MCTP1: variants seen among roughly 807,000 people sequenced by gnomAD.
MCTP1 encodes multiple C2 and transmembrane domain containing 1.
Under a neutral mutation model 120.6 loss-of-function variants are expected in MCTP1, and 69 were observed. The observed-to-expected ratio is 0.57, with a 90% CI of 0.47 to 0.70. The LOEUF (loss-of-function observed/expected upper bound fraction) is 0.70, where lower values mean the gene tolerates loss of function less well. Ranked by LOEUF, MCTP1 falls within the 30% of genes least tolerant of loss-of-function variation. The pLI is 0.00. For missense variants in MCTP1, 1,203 were observed against 1,248.8 expected, an observed-to-expected ratio of 0.96 and a Z score of 0.55; for synonymous variants, 529 against 493.1, an observed-to-expected ratio of 1.07 and a Z score of -0.96.
At chr5:94,993,583 G>T (rs1376851193) in intron 2 of MCTP1, among the ~76,000 whole-genome samples, 2 of 152,076 alleles carry the variant, frequency 1.3e-5, no homozygotes, top group Non-Finnish European at 2.9e-5. Flanking sequence ...TGGGATGAGG[G>T]GCTGCTGTGC....
chr5:94,863,733 T>C (rs1409111347), intron 17 of MCTP1, among the ~76,000 whole-genome samples: 2 of 151,876 alleles, frequency 1.3e-5, no homozygotes, highest in Non-Finnish European at 1.5e-5. Context: ...ACATGATAAG[T>C]GTACTGTAGG....
intron 10 of MCTP1, among the ~76,000 whole-genome samples, chr5:94,899,276 C>G (rs1804884162): frequency 1.3e-5 from 2 of 152,226 alleles, no homozygotes; most frequent in African/African-American, 4.8e-5. Context: ...CTAGGCTCTC[C>G]TGGAGCCATG....
chr5:95,033,839 G>T (rs1044672786), intron 1 of MCTP1, among the ~76,000 whole-genome samples: 2 of 151,988 alleles, frequency 1.3e-5, no homozygotes, highest in Non-Finnish European at 2.9e-5. Flanking sequence ...TCTGGCAAAA[G>T]GTTCCTAGAC....
At chr5:94,851,767 C>T (rs557141489) in intron 17 of MCTP1, among the ~76,000 whole-genome samples, 1 of 151,988 alleles carries the variant, frequency 6.6e-6, no homozygotes, top group East Asian at 1.9e-4. Context: ...GATTTATAGA[C>T]AACTGTACAT....
intron 1 of MCTP1, among the ~76,000 whole-genome samples, chr5:95,208,722 C>T (rs998654367): frequency 3.4e-5 from 5 of 144,936 alleles, no homozygotes; most frequent in Non-Finnish European, 7.7e-5. Flanking sequence ...ATCTTCAACC[C>T]TTTCAGAAAA....
chr5:95,143,283 C>T (rs1760093773), intron 1 of MCTP1, among the ~76,000 whole-genome samples: 1 of 152,128 alleles, frequency 6.6e-6, no homozygotes, highest in African/African-American at 2.4e-5. Context: ...TTTTCCTATT[C>T]TTCAGGTCAC....
At chr5:95,044,112 A>C (rs1428855196) in intron 1 of MCTP1, among the ~76,000 whole-genome samples, 2 of 152,210 alleles carry the variant, frequency 1.3e-5, no homozygotes, top group African/African-American at 4.8e-5. Context: ...CAGGGAAAAC[A>C]ACCCATCCAA....
rs10052612 is a variant in MCTP1 at position 94,795,502 on chromosome 5, T to C, written c.2556+3511A>G. ...CAGTAACTGTAATTTGGATAGTTGG[T>C]ACAAGCCTAATAGGCAATGCCGGTG... On this transcript the variant is annotated intron_variant, in intron 18 of 22. Coordinates refer to ENST00000515393, the MANE Select transcript of MCTP1 (RefSeq NM_024717.7). 6.2e-3 allele frequency among the ~76,000 whole-genome samples: 937 copies of C among 152,340 alleles called. 7 individuals are homozygous for C. Among genetic ancestry groups the C allele is most frequent in the African/African-American group, 0.022 (906 of 41,566 alleles).
intron 17 of MCTP1, among the ~76,000 whole-genome samples, chr5:94,799,697 G>C (rs1780799012): frequency 6.6e-6 from 1 of 152,086 alleles, no homozygotes; most frequent in Non-Finnish European, 1.5e-5. Context: ...CATTACCATA[G>C]AAATCAAAGA....
chr5:95,276,480 ACTC>A (rs1341998868), intron 1 of MCTP1, among the ~76,000 whole-genome samples: 1 of 147,900 alleles, frequency 6.8e-6, no homozygotes, highest in Non-Finnish European at 1.5e-5. Flanking sequence ...CTGGTCTTGA[ACTC>A]CTGACCTCAG....
intron 1 of MCTP1, among the ~76,000 whole-genome samples, chr5:95,271,633 A>G (rs1759408099): frequency 6.6e-6 from 1 of 152,172 alleles, no homozygotes; most frequent in African/African-American, 2.4e-5. Context: ...GACTAATTCA[A>G]TGAGTGCTCT....
At chr5:95,003,537 T>C (rs1358537295) in intron 2 of MCTP1, among the ~76,000 whole-genome samples, 1 of 152,266 alleles carries the variant, frequency 6.6e-6, no homozygotes, top group Admixed American at 6.5e-5. Context: ...CTTATGTCTC[T>C]AGTTTTATGA....
chr5:94,710,553 G>C, intron 21 of MCTP1: 1 of 342,500 alleles, frequency 2.9e-6, no homozygotes, highest in East Asian at 6.3e-5. Context: ...TCTAGACAAA[G>C]CTACACTTTG....
chr5:95,147,134 T>C (rs1760466130), intron 1 of MCTP1, among the ~76,000 whole-genome samples: 1 of 152,162 alleles, frequency 6.6e-6, no homozygotes, highest in African/African-American at 2.4e-5. Context: ...TTGACCAGGC[T>C]GGAGTGCAGT....
At chr5:94,850,373 C>T (rs61614515) in intron 17 of MCTP1, among the ~76,000 whole-genome samples, 11,006 of 152,222 alleles carry the variant, frequency 0.072, 526 homozygotes, top group East Asian at 0.25. Context: ...AATAACACTG[C>T]TTACATTTAA....
chr5:94,933,821 T>C (rs1815422520), intron 5 of MCTP1, among the ~76,000 whole-genome samples: 1 of 151,904 alleles, frequency 6.6e-6, no homozygotes, highest in South Asian at 2.1e-4. Context: ...ACAATTAACC[T>C]TCTATAGTAA....
chr5:95,240,566 C>G (rs1756049257), intron 1 of MCTP1, among the ~76,000 whole-genome samples: 1 of 152,140 alleles, frequency 6.6e-6, no homozygotes, highest in African/African-American at 2.4e-5. Context: ...GCACTATGGA[C>G]CTTTTGAGGG....
chr5:95,100,730 A>C (rs925825565), intron 1 of MCTP1, among the ~76,000 whole-genome samples: 2 of 152,210 alleles, frequency 1.3e-5, no homozygotes, highest in African/African-American at 4.8e-5. Context: ...GTGATGTTGT[A>C]ATTTGATTGC....
chr5:94,855,383 C>A lies in MCTP1; in HGVS notation c.2436+12950G>T, dbSNP rs1794537336. 5.9e-5 allele frequency among the ~76,000 whole-genome samples: 9 copies of A among 151,898 alleles called. 1 individual carries two copies. The South Asian group carries it at 1.9e-3, about 32-fold the overall frequency. On this transcript the variant is annotated intron_variant, in intron 17 of 22. Coordinates refer to ENST00000515393, the MANE Select transcript of MCTP1 (RefSeq NM_024717.7). ...AAGAAACAAACTCTACTTCCTGTGA[C>A]AATGAACCTGTTCTTAAAATTCTGA...
Sources: gnomAD v4.1 joint callset for allele counts (sites outside exome capture counted in the v4.1 genomes callset) on GRCh38, gnomAD v4.1.1 for gene constraint, MANE v1.5 for transcripts, NCBI Gene and HGNC (gene_info 2026-07-23, HGNC 2026-07-21) for gene names.